Variants in HSD17B12 observed in about 807,000 individuals in gnomAD.
HSD17B12 encodes very-long-chain 3-oxoacyl-CoA reductase.
In HSD17B12, 32 loss-of-function variants were observed where a neutral mutation model predicts 39.3. That is an observed-to-expected ratio of 0.81 (90% CI 0.61 to 1.09). The LOEUF is 1.09. Ranked by LOEUF, HSD17B12 falls within the 50% of genes least tolerant of loss-of-function variation. HSD17B12 has a pLI of 0.00. For missense variants in HSD17B12, 342 were observed against 382.9 expected (o/e 0.89, Z 0.89); for synonymous variants, 150 against 146.7 (o/e 1.02, Z -0.16).
At chr11:43,691,240 A>G (rs953390436) in intron 1 of HSD17B12, among the ~76,000 whole-genome samples, 3 of 152,238 alleles carry the variant, frequency 2.0e-5, no homozygotes, top group African/African-American at 7.2e-5. Context: ...GACACTGTCC[A>G]GGTAACCAGG....
chr11:43,562,422 T>G, the HSD17B12 span, among the ~76,000 whole-genome samples: 1 of 152,256 alleles, frequency 6.6e-6, no homozygotes, highest in South Asian at 2.1e-4. Context: ...ATTTAAACTC[T>G]CTAAGCCTCA....
At chr11:43,718,506 A>G (rs1007628974) in intron 1 of HSD17B12, among the ~76,000 whole-genome samples, 3 of 152,154 alleles carry the variant, frequency 2.0e-5, no homozygotes, top group Admixed American at 2.0e-4. Flanking sequence ...TCCCCCATCC[A>G]ACATACAGTG....
chr11:43,583,221 G>A, the HSD17B12 span, among the ~76,000 whole-genome samples: 2 of 152,258 alleles, frequency 1.3e-5, no homozygotes, highest in Admixed American at 6.5e-5. Context: ...AGGCGGCTCA[G>A]GGTTATTGCG....
chr11:43,789,080 T>C (rs1027341479), intron 3 of HSD17B12, among the ~76,000 whole-genome samples: 2 of 152,216 alleles, frequency 1.3e-5, no homozygotes, highest in Non-Finnish European at 2.9e-5. Context: ...TTCTGCACTT[T>C]CTGGTTTTGC....
At chr11:43,662,522 A>C in the HSD17B12 span, among the ~76,000 whole-genome samples, 1 of 128,878 alleles carries the variant, frequency 7.8e-6, no homozygotes, top group Non-Finnish European at 1.6e-5. Context: ...GCCACATCTC[A>C]AAAAAAAAAA....
intron 2 of HSD17B12, among the ~76,000 whole-genome samples, chr11:43,752,579 T>C (rs1950475259): frequency 6.6e-6 from 1 of 151,870 alleles, no homozygotes; most frequent in African/African-American, 2.4e-5. Context: ...CTGGACATGG[T>C]GGTGGGTGCT....
At chr11:43,674,099 C>G in the HSD17B12 span, among the ~76,000 whole-genome samples, 1 of 152,172 alleles carries the variant, frequency 6.6e-6, no homozygotes, top group Admixed American at 6.5e-5. Context: ...GAGGCAGAAT[C>G]AGGATCTGGT....
chr11:43,696,492 C>T (rs747190135), intron 1 of HSD17B12, among the ~76,000 whole-genome samples: 2 of 152,096 alleles, frequency 1.3e-5, no homozygotes, highest in African/African-American at 2.4e-5. Context: ...GCCAGAATGG[C>T]GATTATTAAA....
At chr11:43,689,129 T>C (rs1410500496) in intron 1 of HSD17B12, among the ~76,000 whole-genome samples, 1 of 152,242 alleles carries the variant, frequency 6.6e-6, no homozygotes, top group African/African-American at 2.4e-5. Context: ...CCTTTATATA[T>C]AGATCCCCTT....
At chr11:43,646,771 T>G in the HSD17B12 span, among the ~76,000 whole-genome samples, 1 of 152,238 alleles carries the variant, frequency 6.6e-6, no homozygotes, top group Non-Finnish European at 1.5e-5. Context: ...TTTTGGTATT[T>G]AATCATTTAT....
chr11:43,676,440 A>G (rs1949695736), upstream of HSD17B12, among the ~76,000 whole-genome samples: 2 of 152,196 alleles, frequency 1.3e-5, no homozygotes. Flanking sequence ...ATAAAATCAT[A>G]TATTAGAGAC....
intron 5 of HSD17B12, among the ~76,000 whole-genome samples, chr11:43,815,928 C>T (rs1951118243): frequency 6.6e-6 from 1 of 152,090 alleles, no homozygotes; most frequent in Non-Finnish European, 1.5e-5. Flanking sequence ...AAAGTGACAT[C>T]CTTGATGCAT....
At chr11:43,625,556 T>C in the HSD17B12 span, among the ~76,000 whole-genome samples, 1 of 151,466 alleles carries the variant, frequency 6.6e-6, no homozygotes, top group Admixed American at 6.6e-5. Flanking sequence ...ATATAATATA[T>C]TTTAAGCATA....
chr11:43,617,380 A>T, the HSD17B12 span, among the ~76,000 whole-genome samples: 107 of 151,790 alleles, frequency 7.0e-4, no homozygotes, highest in African/African-American at 2.5e-3. Context: ...TGACTTTGGG[A>T]TGGTAAGATT....
At chr11:43,807,235 C>T (rs1219181890) in intron 4 of HSD17B12, among the ~76,000 whole-genome samples, 2 of 152,078 alleles carry the variant, frequency 1.3e-5, no homozygotes, top group African/African-American at 4.8e-5. Context: ...GTAGTGGGAA[C>T]GTGTTGCATG....
the HSD17B12 span, among the ~76,000 whole-genome samples, chr11:43,600,562 C>G: frequency 2.0e-5 from 3 of 151,952 alleles, no homozygotes; most frequent in African/African-American, 7.2e-5. Context: ...AAGTTTTTTT[C>G]TTTATCTCTG....
In HSD17B12 at chr11:43,855,134, G is replaced by A; in HGVS notation, c.835-10G>A. The A allele has an allele frequency of 6.5e-7, 1 of 1,550,370 alleles. No individual in the cohort carries two copies. The highest frequency in any genetic ancestry group is 8.8e-7 in the Non-Finnish European group (1 of 1,130,920). ...TATAATTACATATCTCTCTCATTCT[G>A]TTTCCCTAGGGCTCGATAATCTCAA... On this transcript the variant is annotated splice_polypyrimidine_tract_variant and intron_variant, in intron 10 of 10. Coordinates refer to ENST00000278353, the MANE Select transcript of HSD17B12 (RefSeq NM_016142.3).
At chr11:43,674,566 T>C in the HSD17B12 span, among the ~76,000 whole-genome samples, 1 of 152,228 alleles carries the variant, frequency 6.6e-6, no homozygotes, top group South Asian at 2.1e-4. Context: ...CAAAATGAGA[T>C]GGTTTCAGTC....
At chr11:43,812,997 G>A (rs1229482956) in intron 4 of HSD17B12, among the ~76,000 whole-genome samples, 4 of 151,836 alleles carry the variant, frequency 2.6e-5, no homozygotes, top group African/African-American at 9.7e-5. Context: ...ACGTGCCATC[G>A]TGCCTGGCTA....
Sources: gnomAD v4.1 joint callset for allele counts (sites outside exome capture counted in the v4.1 genomes callset) on GRCh38, gnomAD v4.1.1 for gene constraint, MANE v1.5 for transcripts, NCBI Gene and HGNC (gene_info 2026-07-23, HGNC 2026-07-21) for gene names.